The following GABRB3 variants were observed in gnomAD, a reference collection of about 807,000 sequenced individuals.
GABRB3 encodes gamma-aminobutyric acid type A receptor subunit beta3.
In GABRB3, 14 loss-of-function variants were observed where a neutral mutation model predicts 52.1. The observed-to-expected ratio is 0.27, with a 90% CI of 0.18 to 0.42. GABRB3 has a LOEUF of 0.42. Ranked by LOEUF, GABRB3 falls within the 10% of genes least tolerant of loss-of-function variation. GABRB3 has a pLI of 1.00. For missense variants in GABRB3, 307 were observed against 609.1 expected (o/e 0.50, Z 5.22); for synonymous variants, 260 against 232.3 (o/e 1.12, Z -1.08).
intron 4 of GABRB3, among the ~76,000 whole-genome samples, chr15:26,583,778 ATTTTT>A (rs572548858): frequency 7.1e-6 from 1 of 140,940 alleles, no homozygotes; most frequent in Non-Finnish European, 1.5e-5. Context: ...TGTATCACCT[ATTTTT>A]TTTTTTTTTT....
intron 3 of GABRB3, among the ~76,000 whole-genome samples, chr15:26,699,258 T>C (rs954643094): frequency 6.6e-6 from 1 of 152,168 alleles, no homozygotes; most frequent in African/African-American, 2.4e-5. Flanking sequence ...AAATCTAGAC[T>C]AGGCAATGCT....
intron 4 of GABRB3, among the ~76,000 whole-genome samples, chr15:26,601,023 A>T (rs1312514428): frequency 1.3e-5 from 2 of 152,218 alleles, no homozygotes; most frequent in Non-Finnish European, 2.9e-5. Flanking sequence ...TGTAATCAAA[A>T]TTGGCTGTTA....
intron 3 of GABRB3, among the ~76,000 whole-genome samples, chr15:26,687,042 G>A (rs1240693795): frequency 2.0e-5 from 3 of 152,228 alleles, no homozygotes; most frequent in Admixed American, 6.5e-5. Context: ...CAGGGATGGC[G>A]AGCTGGCTCT....
intron 4 of GABRB3, among the ~76,000 whole-genome samples, chr15:26,607,965 A>C (rs986174964): frequency 2.6e-5 from 4 of 152,088 alleles, no homozygotes; most frequent in African/African-American, 9.7e-5. Flanking sequence ...AAAAATTATA[A>C]AATTCATATG....
chr15:26,704,954 G>A (rs1020207155), intron 3 of GABRB3, among the ~76,000 whole-genome samples: 2 of 152,054 alleles, frequency 1.3e-5, no homozygotes, highest in African/African-American at 4.8e-5. Context: ...CTTTTTTCCA[G>A]CGTTCACTTC....
chr15:26,657,142 G>A (rs577956723), intron 3 of GABRB3: 3 of 152,292 alleles, frequency 2.0e-5, no homozygotes, highest in Admixed American at 6.5e-5. Flanking sequence ...AGTTTCTTAT[G>A]AGCAGATGAC....
chr15:26,572,819 C>A (rs112195585), intron 6 of GABRB3, among the ~76,000 whole-genome samples: 8,090 of 152,260 alleles, frequency 0.053, 266 homozygotes, highest in Non-Finnish European at 0.081. Context: ...GCTGAGCCAA[C>A]AGACAGAGGC....
intron 4 of GABRB3, among the ~76,000 whole-genome samples, chr15:26,606,165 GATCAAAACCAT>G (rs1423996174): frequency 2.0e-5 from 3 of 152,064 alleles, no homozygotes; most frequent in Non-Finnish European, 2.9e-5. Flanking sequence ...CAGGGGCACA[GATCAAAACCAT>G]ATTAGGTGGG....
intron 3 of GABRB3, among the ~76,000 whole-genome samples, chr15:26,669,899 G>C (rs536203984): frequency 6.6e-6 from 1 of 152,332 alleles, no homozygotes; most frequent in East Asian, 1.9e-4. Context: ...CCCTTTCTCA[G>C]GATTGGGTGC....
intron 3 of GABRB3, among the ~76,000 whole-genome samples, chr15:26,710,572 A>G (rs910139584): frequency 6.6e-5 from 10 of 152,188 alleles, no homozygotes; most frequent in African/African-American, 2.2e-4. Flanking sequence ...GATACTTAAG[A>G]AGCAGAATTG....
At chr15:26,718,213 TA>T (rs751346810) in intron 3 of GABRB3, among the ~76,000 whole-genome samples, 8 of 152,210 alleles carry the variant, frequency 5.3e-5, no homozygotes, top group East Asian at 1.9e-4. Context: ...TTTATTTATT[TA>T]TTTATTTTTT....
At chr15:26,560,797 C>T in intron 8 of GABRB3, 135 bp downstream of exon 8, 1 of 1,311,808 alleles carries the variant, frequency 7.6e-7, no homozygotes, top group Non-Finnish European at 1.1e-6. Flanking sequence ...GTCATAAGGG[C>T]TATATCACAA....
intron 3 of GABRB3, among the ~76,000 whole-genome samples, chr15:26,701,266 GA>G (rs200134363): frequency 0.062 from 9,450 of 152,008 alleles, 368 homozygotes; most frequent in Middle Eastern, 0.099. Flanking sequence ...AAGTTGGGGG[GA>G]AAAAAATAGA....
At chr15:26,746,575 G>GT (rs200499502) in intron 3 of GABRB3, among the ~76,000 whole-genome samples, 1 of 135,292 alleles carries the variant, frequency 7.4e-6, no homozygotes, top group African/African-American at 2.8e-5. Context: ...ATTTAAGTCC[G>GT]TTTTTTGTTT....
intron 3 of GABRB3, among the ~76,000 whole-genome samples, chr15:26,699,152 T>C (rs1338557615): frequency 2.0e-5 from 3 of 152,124 alleles, no homozygotes; most frequent in Admixed American, 6.6e-5. Flanking sequence ...AGAAGAAGTT[T>C]CCAGAACTGG....
chr15:26,555,518 T>C (rs1370575911), intron 8 of GABRB3, among the ~76,000 whole-genome samples: 1 of 152,180 alleles, frequency 6.6e-6, no homozygotes, highest in Non-Finnish European at 1.5e-5. Context: ...GGCTGTGCCC[T>C]TGAACTCTAG....
At chr15:26,624,861 G>A in intron 3 of GABRB3, 3 of 985,448 alleles carry the variant, frequency 3.0e-6, no homozygotes, top group South Asian at 9.4e-5. Flanking sequence ...TCCTGTTACG[G>A]GAGCCATGGT....
rs531153668 is a variant in GABRB3, at chr15:26,720,198, C to T, written c.240+52204G>A. ...TGACTGTAATTTTCCTTTACCTACC[C>T]AAATCCTATAAAACGGCCCTACCCC... On this transcript the variant is annotated intron_variant, in intron 3 of 8. Coordinates refer to ENST00000311550, the MANE Select transcript of GABRB3 (RefSeq NM_000814.6). Among the ~76,000 whole-genome samples, 15 of 151,876 alleles carry T rather than the reference C, an allele frequency of 9.9e-5. No homozygotes were observed. The South Asian group carries it at 1.5e-3, about 15-fold the overall frequency.
At chr15:26,762,619 A>G (rs1181698458) in intron 3 of GABRB3, among the ~76,000 whole-genome samples, 3 of 152,232 alleles carry the variant, frequency 2.0e-5, no homozygotes, top group Non-Finnish European at 4.4e-5. Flanking sequence ...AAAGAACCTG[A>G]CAATTCCTGC....
Sources: gnomAD v4.1 joint callset for allele counts (sites outside exome capture counted in the v4.1 genomes callset) on GRCh38, gnomAD v4.1.1 for gene constraint, MANE v1.5 for transcripts, NCBI Gene and HGNC (gene_info 2026-07-23, HGNC 2026-07-21) for gene names.